SPAG5: variants seen among roughly 807,000 people sequenced by gnomAD.
The protein encoded by SPAG5 is sperm associated antigen 5, also known as sperm-associated antigen 5.
In SPAG5, 99 loss-of-function variants were observed where a neutral mutation model predicts 145.4. The observed-to-expected ratio is 0.68, with a 90% CI of 0.58 to 0.80. SPAG5 has a LOEUF of 0.80. Among genes scored for constraint, SPAG5 ranks in the 30% least tolerant of loss-of-function variants. The pLI, the probability that SPAG5 is intolerant of heterozygous loss-of-function variation, is 0.00. For missense variants in SPAG5, 1,192 were observed against 1,416.0 expected (o/e 0.84, Z 2.54); for synonymous variants, 477 against 525.4 (o/e 0.91, Z 1.26).
At chr17:28,579,104 AG>A (rs753718588) in intron 19 of SPAG5, 36 bp downstream of exon 19, 1 of 1,540,372 alleles carries the variant, frequency 6.5e-7, no homozygotes, top group East Asian at 2.2e-5. Context: ...GAGCTGCCCC[AG>A]TTCTTCATCG....
chr17:28,590,174 G>A (rs1266292119), intron 4 of SPAG5, among the ~76,000 whole-genome samples: 2 of 152,114 alleles, frequency 1.3e-5, no homozygotes, highest in African/African-American at 4.8e-5. Flanking sequence ...CCCCTTATTA[G>A]TTCGTATATC....
Position 28,592,490 on chromosome 17 carries a change from T to C in SPAG5, c.754A>G (p.Thr252Ala), listed in dbSNP as rs1484384256. 23 of 1,613,830 alleles carry C rather than the reference T, an allele frequency of 1.4e-5. No homozygotes were observed. Among genetic ancestry groups the C allele is most frequent in the Non-Finnish European group, 1.9e-5 (23 of 1,180,034 alleles). ...PSSVLWLSPS[T>A]ALAADFRVNH... ...ACACGGAAATCTGCTGCCAAGGCAG[T>C]TGAAGGGGAAAGCCAGAGAACAGAG... Residue 252 changes from threonine (T) to alanine (A), a missense_variant, in exon 3 of 24, where the codon ACT becomes GCT. Around this residue, in one of 5 missense-constraint regions of SPAG5, gnomAD observed 329 missense variants for 354.0 expected, o/e 0.93. Transcript: ENST00000321765.
intron 4 of SPAG5, among the ~76,000 whole-genome samples, chr17:28,589,082 A>C (rs899931792): frequency 1.1e-4 from 16 of 152,066 alleles, no homozygotes; most frequent in Admixed American, 8.5e-4. Flanking sequence ...GCATATTACC[A>C]ATATTGACAA....
chr17:28,597,663 T>A (rs1322659634), intron 2 of SPAG5, among the ~76,000 whole-genome samples: 2 of 152,226 alleles, frequency 1.3e-5, no homozygotes. Context: ...ACCTATTTTA[T>A]TGATATCCCA....
chr17:28,586,568 A>G (rs1236108639), intron 4 of SPAG5, 69 bp from the exon 5 acceptor site: 18 of 1,330,182 alleles, frequency 1.4e-5, no homozygotes, highest in East Asian at 2.3e-5. Context: ...GTCTTGCTCT[A>G]TCATCCAGAC....
intron 1 of SPAG5, 75 bp from the exon 2 acceptor site, chr17:28,598,710 A>G (rs985253306): frequency 6.5e-7 from 1 of 1,550,074 alleles, no homozygotes; most frequent in Non-Finnish European, 8.7e-7. Context: ...CTCCCTCCCT[A>G]AGAAGCCCAA....
chr17:28,594,572 G>A (rs1285671633), intron 2 of SPAG5, among the ~76,000 whole-genome samples: 2 of 152,086 alleles, frequency 1.3e-5, no homozygotes, highest in Non-Finnish European at 1.5e-5. Flanking sequence ...TCCAGCCTGG[G>A]CAACAGAGCG....
intron 13 of SPAG5, 34 bp from the exon 14 acceptor site, chr17:28,584,020 G>C (rs376213356): frequency 6.2e-7 from 1 of 1,613,414 alleles, no homozygotes. Flanking sequence ...AGACAGGGAG[G>C]GAGAATTTTA....
chr17:28,584,094 C>T, intron 13 of SPAG5, 56 bp downstream of exon 13: 5 of 1,607,676 alleles, frequency 3.1e-6, no homozygotes, highest in Non-Finnish European at 4.3e-6. Context: ...CACTATCAGG[C>T]AAGAATCACA....
At chr17:28,597,935 C>G (rs1404201612) in intron 2 of SPAG5, among the ~76,000 whole-genome samples, 1 of 152,166 alleles carries the variant, frequency 6.6e-6, no homozygotes, top group Non-Finnish European at 1.5e-5. Flanking sequence ...AGTCCTAAAG[C>G]CTTTCTTGGA....
In SPAG5 at chr17:28,578,694, A is replaced by G. The variant is rs761995678; in HGVS notation, c.3176T>C (p.Ile1059Thr). Residue 1059 changes from isoleucine (I) to threonine (T), a missense_variant, in exon 20 of 24, where the codon ATA becomes ACA. This residue lies in a region of SPAG5 where 709 missense variants were observed against 840.7 expected (regional missense o/e 0.84). Transcript: ENST00000321765. ...QQQNEKILEQ[I>T]DKSGELISLR... is the part of the protein sequence containing the mutation. ...TACTATGAGCTCGCCACTCTTGTCTATCTGTTCTAGGATCTTCTCATTCTG... is the reference window on the plus strand; with the variant it reads ...TACTATGAGCTCGCCACTCTTGTCTGTCTGTTCTAGGATCTTCTCATTCTG... The G allele has an allele frequency of 1.1e-5, 18 of 1,614,056 alleles. 1 individual carries two copies. The highest frequency in any genetic ancestry group is 3.3e-4 in the Middle Eastern group (2 of 6,062).
Position 28,578,760 on chromosome 17 carries a change from G to A in SPAG5, c.3118-8C>T. On this transcript the variant is annotated splice_region_variant and splice_polypyrimidine_tract_variant and intron_variant, in intron 19 of 23. Transcript: ENST00000321765. ...CTGGAGCTCCTTTTCATTCTGTGAG[G>A]GAAAGGGAGGTGAGAAGACACATGA... 4.3e-6 allele frequency: 7 copies of A among 1,609,908 alleles called. No individual in the cohort carries two copies. Among genetic ancestry groups the A allele is most frequent in the African/African-American group, 1.3e-5 (1 of 74,928 alleles).
intron 15 of SPAG5, 78 bp downstream of exon 15, chr17:28,583,433 A>G: frequency 2.1e-6 from 3 of 1,444,012 alleles, no homozygotes; most frequent in Non-Finnish European, 2.8e-6. Flanking sequence ...CAGTTAGAAA[A>G]AGAGTAATGT....
rs535851069 is a variant in SPAG5, at chr17:28,583,879, G to C, written c.2520C>G (p.Asn840Lys). The C allele has an allele frequency of 1.9e-6, 3 of 1,614,162 alleles. No individual in the cohort carries two copies. The highest frequency in any genetic ancestry group is 4.5e-5 in the East Asian group (2 of 44,890). Residue 840 changes from asparagine to lysine, a missense_variant, in exon 14 of 24, where the codon AAC (asparagine) becomes AAG (lysine). Asn to Lys is a moderately conservative substitution (Grantham distance 94, BLOSUM62 0). Around this residue, in one of 5 missense-constraint regions of SPAG5, gnomAD observed 709 missense variants for 840.7 expected, o/e 0.84. Coordinates refer to ENST00000321765, the MANE Select transcript of SPAG5 (RefSeq NM_006461.4). Reference sequence around the variant, plus strand: ...TTAGGTTCTCTACAGTGTCCTTGAGGTTCTCACACTGCAAGCTGCGCTCCC... The same window carrying C: ...TTAGGTTCTCTACAGTGTCCTTGAGCTTCTCACACTGCAAGCTGCGCTCCC... ...VLRERSLQCE[N>K]LKDTVENLTA...
rs1389098856 is a variant in SPAG5 at position 28,592,220 on chromosome 17, G to A, written c.1024C>T (p.Pro342Ser). ...LGSDTESWMS[P>S]LAWLEKGVNT... ...ACACCTTTTTCCAGCCAGGCCAGTG[G>A]GGACATCCAAGACTCTGTATCAGAG... is the stretch of plus-strand genomic sequence containing the variant. The change falls in exon 3 of 24, where the codon CCA becomes TCA. Residue 342 changes from proline to serine, a missense_variant. By Grantham distance (74) the Pro-to-Ser change is moderately conservative. Coordinates refer to ENST00000321765, the MANE Select transcript of SPAG5 (RefSeq NM_006461.4). The A allele has an allele frequency of 6.2e-7, 1 of 1,614,156 alleles. No individual in the cohort carries two copies. The highest frequency in any genetic ancestry group is 1.7e-5 in the Admixed American group (1 of 60,016).
At chr17:28,588,687 G>A (rs2070601086) in intron 4 of SPAG5, among the ~76,000 whole-genome samples, 1 of 151,928 alleles carries the variant, frequency 6.6e-6, no homozygotes, top group South Asian at 2.1e-4. Context: ...CTAGAACATT[G>A]TTGTTGTTGT....
chr17:28,585,705 C>G (rs773957877), intron 7 of SPAG5, 52 bp from the exon 8 acceptor site: 4 of 1,610,910 alleles, frequency 2.5e-6, no homozygotes, highest in Non-Finnish European at 3.4e-6. Context: ...GGAGCCAGCA[C>G]AAAAAGATGT....
At chr17:28,591,896 G>A (rs758460121) in intron 3 of SPAG5, 24 bp from the exon 4 acceptor site, 59 of 1,611,478 alleles carry the variant, frequency 3.7e-5, no homozygotes, top group Non-Finnish European at 6.8e-6. Flanking sequence ...AGAAGAACAT[G>A]ACGAAAAGAA....
rs75152864 is a variant in SPAG5, at chr17:28,588,139, A to C, written c.1438-1640T>G. Among the ~76,000 whole-genome samples the C allele has an allele frequency of 5.6e-4, 85 of 152,346 alleles. No homozygotes were observed. The East Asian group carries it at 0.012, about 22-fold the overall frequency. Reference sequence around the variant, plus strand: ...TCCCTTCCCCAGCAAAGCAGTTATCATTCACTGCTGCATCGTGAAATAAGG... The same window carrying C: ...TCCCTTCCCCAGCAAAGCAGTTATCCTTCACTGCTGCATCGTGAAATAAGG... On this transcript the variant is annotated intron_variant, in intron 4 of 23. Transcript: ENST00000321765.
Sources: allele counts gnomAD v4.1 joint callset (sites outside exome capture counted in the v4.1 genomes callset), GRCh38; gene constraint gnomAD v4.1.1; regional missense constraint gnomAD v4.1.1; transcripts MANE v1.5; gene names NCBI Gene and HGNC (gene_info 2026-07-23, HGNC 2026-07-21).